The following HPRT1 variants were observed in gnomAD, a reference collection of about 807,000 sequenced individuals.
HPRT1 encodes hypoxanthine phosphoribosyltransferase 1.
HPRT1 carries 4 observed loss-of-function variants against 19.0 expected under a neutral mutation model. The observed-to-expected ratio is 0.21, with a 90% CI of 0.10 to 0.48. The LOEUF is 0.48. HPRT1 is among the 20% of genes least tolerant of loss of function. HPRT1 has a pLI of 0.98. For missense variants in HPRT1, 65 were observed against 164.0 expected (o/e 0.40, Z 3.30); for synonymous variants, 53 against 54.9 (o/e 0.97, Z 0.15).
At chrX:134,476,646 T>C (rs1438110996) in intron 3 of HPRT1, among the ~76,000 whole-genome samples, 1 of 112,020 alleles carries the variant, frequency 8.9e-6, no homozygotes, top group East Asian at 2.8e-4. Context: ...TCCCCATCAG[T>C]CTTAATCAGT....
chrX:134,480,174 AT>A (rs1222411100), intron 3 of HPRT1, among the ~76,000 whole-genome samples: 1 of 111,313 alleles, frequency 9.0e-6, no homozygotes, highest in East Asian at 2.8e-4. Context: ...CTTCATTTAC[AT>A]TTGAGAACAG....
chrX:134,460,181 G>C lies in HPRT1; in HGVS notation c.-131G>C. 1.3e-5 allele frequency: 9 copies of C among 679,526 alleles called. No individual in the cohort carries two copies. Among genetic ancestry groups the C allele is most frequent in the Non-Finnish European group, 1.7e-5 (8 of 465,503 alleles). 56.0% of individuals were successfully genotyped at this position (679,526 alleles called of 1,213,427 possible). ...CTTCTCCTCAGCTTCAGGCGGCTGC[G>C]ACGAGCCCTCAGGCGAACCTCTCGG... On this transcript the variant is annotated 5_prime_UTR_variant, in exon 1 of 9. Coordinates refer to ENST00000298556, the MANE Select transcript of HPRT1 (RefSeq NM_000194.3).
intron 1 of HPRT1, among the ~76,000 whole-genome samples, chrX:134,470,586 G>T (rs995262515): frequency 9.0e-6 from 1 of 111,264 alleles, no homozygotes; most frequent in East Asian, 2.8e-4. Flanking sequence ...ATTGGAAACC[G>T]CCAAAGCTTA....
intron 3 of HPRT1, among the ~76,000 whole-genome samples, chrX:134,482,828 T>A (rs1468266): frequency 0.18 from 19,158 of 109,413 alleles, 1,591 homozygotes; most frequent in African/African-American, 0.29. Flanking sequence ...CCTTTTTTTT[T>A]ATCTGAGATA....
chrX:134,460,696 T>C (rs1876687219), intron 1 of HPRT1, among the ~76,000 whole-genome samples: 1 of 109,842 alleles, frequency 9.1e-6, no homozygotes, highest in South Asian at 4.0e-4. Context: ...CGTGGGGGCT[T>C]TCTCGGGAGA....
chrX:134,481,575 C>T (rs753711755), intron 3 of HPRT1, among the ~76,000 whole-genome samples: 1 of 108,849 alleles, frequency 9.2e-6, no homozygotes, highest in East Asian at 2.9e-4. Context: ...CAAATTCATG[C>T]CCTTCTCCTA....
chrX:134,475,582 T>A (rs763050218), intron 3 of HPRT1, among the ~76,000 whole-genome samples: 1 of 111,770 alleles, frequency 8.9e-6, no homozygotes, highest in African/African-American at 3.2e-5. Context: ...TGTGGTTTTT[T>A]AAATAAACTC....
chrX:134,478,393 A>T (rs72615438), intron 3 of HPRT1, among the ~76,000 whole-genome samples: 1 of 110,298 alleles, frequency 9.1e-6, no homozygotes, highest in Non-Finnish European at 1.9e-5. Context: ...GAGGTGGGAG[A>T]ATCACTTGAG....
At chrX:134,490,073 C>A in intron 4 of HPRT1, 115 bp from the exon 5 acceptor site, 1 of 390,985 alleles carries the variant, frequency 2.6e-6, no homozygotes, top group Non-Finnish European at 4.5e-6. Context: ...TATAATAAAG[C>A]ATCTAAAAAC....
At chrX:134,483,346 G>A (rs1354680173) in intron 3 of HPRT1, among the ~76,000 whole-genome samples, 1 of 111,519 alleles carries the variant, frequency 9.0e-6, no homozygotes, top group South Asian at 3.7e-4. Context: ...TCCTAGGGGC[G>A]GATAAGTAGG....
chrX:134,467,067 C>T (rs1343139708), intron 1 of HPRT1, among the ~76,000 whole-genome samples: 3 of 50,373 alleles, frequency 6.0e-5, no homozygotes, highest in Non-Finnish European at 9.2e-5. Flanking sequence ...TTTTTTGTGA[C>T]GGAGTCTTGC....
rs187451326 is a variant in HPRT1, at chrX:134,469,205, A to G, written c.28-4154A>G. Among the ~76,000 whole-genome samples the G allele has an allele frequency of 3.6e-4, 40 of 111,069 alleles. No individual in the cohort carries two copies. The East Asian group carries it at 0.011, about 30-fold the overall frequency. The stretch of plus-strand genomic sequence containing the variant: ...CCCCCCAATATACCCAAATATATAT[A>G]TATGTGTGCATATATATAGTAAGTT... On this transcript the variant is annotated intron_variant, in intron 1 of 8. Transcript: ENST00000298556.
intron 1 of HPRT1, 148 bp from the exon 2 acceptor site, chrX:134,473,211 A>G (rs2077615221): frequency 1.1e-5 from 5 of 465,718 alleles, no homozygotes; most frequent in African/African-American, 2.4e-5. Flanking sequence ...TACATAATTC[A>G]TTATCATACC....
chrX:134,478,609 A>AG (rs1354421200), intron 3 of HPRT1, among the ~76,000 whole-genome samples: 2 of 111,997 alleles, frequency 1.8e-5, no homozygotes, highest in Non-Finnish European at 3.8e-5. Context: ...TGAGTGACAG[A>AG]GGGAGACCCT....
intron 3 of HPRT1, 21 bp from the exon 4 acceptor site, chrX:134,486,443 AG>A: frequency 1.5e-5 from 10 of 670,339 alleles, no homozygotes; most frequent in South Asian, 2.7e-5. Flanking sequence ...ATATATATAT[AG>A]TTTTTTTTTT....
At chrX:134,479,906 T>C (rs919494561) in intron 3 of HPRT1, among the ~76,000 whole-genome samples, 4 of 111,384 alleles carry the variant, frequency 3.6e-5, no homozygotes, top group Non-Finnish European at 7.5e-5. Context: ...GTACCCAGTC[T>C]AGTGATTTTT....
chrX:134,487,971 A>G (rs1363781649), intron 4 of HPRT1, among the ~76,000 whole-genome samples: 4 of 111,339 alleles, frequency 3.6e-5, no homozygotes, highest in Non-Finnish European at 7.5e-5. Context: ...CTGTTCTACT[A>G]CATAGATTTG....
intron 5 of HPRT1, 46 bp downstream of exon 5, chrX:134,490,251 C>G: frequency 1.3e-6 from 1 of 775,937 alleles, no homozygotes. Flanking sequence ...ACTTTTCTAA[C>G]TTAGTATGCA....
chrX:134,475,791 T>C (rs957474063), intron 3 of HPRT1, among the ~76,000 whole-genome samples: 6 of 108,091 alleles, frequency 5.6e-5, no homozygotes, highest in Non-Finnish European at 1.1e-4. Flanking sequence ...GAAATCCCCC[T>C]TTTTTTTTAA....
Sources: gnomAD v4.1 joint callset for allele counts (sites outside exome capture counted in the v4.1 genomes callset) on GRCh38, gnomAD v4.1.1 for gene constraint, MANE v1.5 for transcripts, NCBI Gene and HGNC (gene_info 2026-07-23, HGNC 2026-07-21) for gene names.